Variants in CCDC178 observed in about 807,000 individuals in gnomAD.
CCDC178 encodes the protein coiled-coil domain-containing protein 178.
In CCDC178, 126 loss-of-function variants were observed where a neutral mutation model predicts 117.4. The ratio of observed to expected loss-of-function variants is 1.07; its 90% CI spans 0.93 to 1.24. CCDC178 has a LOEUF of 1.24. Among genes scored for constraint, CCDC178 ranks in the 50% most tolerant of loss-of-function variants. The pLI is 0.00. For missense variants in CCDC178, 1,030 were observed against 986.9 expected (o/e 1.04, Z -0.59); for synonymous variants, 283 against 313.4 (o/e 0.90, Z 1.02).
intron 21 of CCDC178, among the ~76,000 whole-genome samples, chr18:33,092,169 T>C (rs2145072263): frequency 6.6e-6 from 1 of 152,270 alleles, no homozygotes; most frequent in Middle Eastern, 3.4e-3. Context: ...ATCTGGAGAA[T>C]ATAAAGGAAG....
intron 21 of CCDC178, among the ~76,000 whole-genome samples, chr18:33,012,822 A>G (rs2055898579): frequency 6.6e-6 from 1 of 152,166 alleles, no homozygotes; most frequent in Admixed American, 6.5e-5. Flanking sequence ...CCTTTAGCAA[A>G]TAGGAATAAA....
At chr18:33,394,915 A>T (rs1006322215) in intron 4 of CCDC178, among the ~76,000 whole-genome samples, 3 of 139,938 alleles carry the variant, frequency 2.1e-5, no homozygotes, top group Non-Finnish European at 3.1e-5. Context: ...TCCACTGAAA[A>T]TAACTTTAAA....
intron 3 of CCDC178, among the ~76,000 whole-genome samples, chr18:33,403,478 T>G (rs2063737197): frequency 6.7e-6 from 1 of 148,920 alleles, no homozygotes; most frequent in Non-Finnish European, 1.5e-5. Flanking sequence ...TCAACAAAAA[T>G]GTATGACATC....
intron 21 of CCDC178, among the ~76,000 whole-genome samples, chr18:33,047,440 G>T (rs1217396639): frequency 6.6e-6 from 1 of 152,118 alleles, no homozygotes; most frequent in East Asian, 1.9e-4. Flanking sequence ...TGTCAACTAT[G>T]AAACAATCAG....
At chr18:33,157,742 T>C (rs2058418072) in intron 20 of CCDC178, among the ~76,000 whole-genome samples, 1 of 152,174 alleles carries the variant, frequency 6.6e-6, no homozygotes, top group Non-Finnish European at 1.5e-5. Flanking sequence ...TATGGCTTTT[T>C]AGGCATTTCA....
At chr18:33,016,450 A>C (rs115679263) in intron 21 of CCDC178, among the ~76,000 whole-genome samples, 216 of 152,214 alleles carry the variant, frequency 1.4e-3, no homozygotes, top group African/African-American at 4.9e-3. Flanking sequence ...AAAAAGCATC[A>C]GCAAAGGTAT....
chr18:33,421,808 TAG>T (rs2064030889), intron 2 of CCDC178, among the ~76,000 whole-genome samples: 1 of 152,088 alleles, frequency 6.6e-6, no homozygotes, highest in Non-Finnish European at 1.5e-5. Flanking sequence ...TGAGAATGAA[TAG>T]AGTCATAAAA....
chr18:33,440,074 A>C lies in CCDC178; in HGVS notation c.-135T>G, dbSNP rs975217731. ...AGTTGTTCAGTATTTGACTTGATTG[A>C]GCAGACACTTAAAAAATTAAATATC... On this transcript the variant is annotated 5_prime_UTR_variant, in exon 2 of 23. Coordinates refer to ENST00000383096, the MANE Select transcript of CCDC178 (RefSeq NM_001105528.4). The C allele has an allele frequency of 3.3e-5, 5 of 152,340 alleles. No homozygotes were observed. The highest frequency in any genetic ancestry group is 1.2e-4 in the African/African-American group (5 of 41,576). The allele number at this position is 152,340 out of a possible 1,614,324, so 9.4% of individuals were successfully genotyped here. A position where few individuals can be genotyped will look rare whatever the true frequency, so the allele number is the denominator to read the frequency against.
At chr18:32,990,539 GA>G (rs1179380031) in intron 21 of CCDC178, among the ~76,000 whole-genome samples, 1 of 151,914 alleles carries the variant, frequency 6.6e-6, no homozygotes, top group Non-Finnish European at 1.5e-5. Context: ...TTCTGAATGT[GA>G]AAAAAATTCA....
At chr18:33,179,443 T>G (rs533896656) in intron 20 of CCDC178, among the ~76,000 whole-genome samples, 24 of 152,032 alleles carry the variant, frequency 1.6e-4, no homozygotes, top group Non-Finnish European at 2.9e-5. Context: ...CTTGTTGCAT[T>G]ATCTGTTTGA....
intron 19 of CCDC178, 111 bp downstream of exon 19, chr18:33,215,439 T>C: frequency 1.4e-6 from 1 of 707,798 alleles, no homozygotes; most frequent in Non-Finnish European, 2.1e-6. Flanking sequence ...CACACTACGT[T>C]ATAATTAAAA....
At chr18:33,065,663 C>T (rs919233285) in intron 21 of CCDC178, among the ~76,000 whole-genome samples, 1 of 151,986 alleles carries the variant, frequency 6.6e-6, no homozygotes, top group African/African-American at 2.4e-5. Flanking sequence ...GAGACAAAGA[C>T]AAAGAGAGAA....
intron 14 of CCDC178, among the ~76,000 whole-genome samples, chr18:33,262,263 A>T (rs9951500): frequency 0.067 from 10,258 of 152,254 alleles, 514 homozygotes; most frequent in African/African-American, 0.14. Context: ...CATCTATCTC[A>T]ATGACTATCT....
intron 14 of CCDC178, among the ~76,000 whole-genome samples, chr18:33,258,489 A>G (rs1234198726): frequency 6.6e-6 from 1 of 152,068 alleles, no homozygotes; most frequent in Non-Finnish European, 1.5e-5. Flanking sequence ...AGAGTCCTCA[A>G]CCCTGCCCTG....
intron 21 of CCDC178, among the ~76,000 whole-genome samples, chr18:33,070,648 A>G (rs1435768635): frequency 6.6e-6 from 1 of 152,096 alleles, no homozygotes; most frequent in Non-Finnish European, 1.5e-5. Context: ...ATTTAAAAAT[A>G]GCTAGGAGAG....
At chr18:33,267,157 T>C (rs1238817508) in intron 13 of CCDC178, 45 bp downstream of exon 13, 1 of 1,540,424 alleles carries the variant, frequency 6.5e-7, no homozygotes. Context: ...TATTTGGAAA[T>C]AGAAAATGGC....
intron 21 of CCDC178, among the ~76,000 whole-genome samples, chr18:33,081,374 T>G (rs2057294784): frequency 6.6e-6 from 1 of 152,218 alleles, no homozygotes; most frequent in African/African-American, 2.4e-5. Context: ...GAATAGTTAT[T>G]AGAAACCATG....
chr18:33,406,888 T>C (rs577735147), intron 3 of CCDC178, among the ~76,000 whole-genome samples: 1 of 152,316 alleles, frequency 6.6e-6, no homozygotes, highest in African/African-American at 2.4e-5. Flanking sequence ...GGAGAGTTCT[T>C]ATCAACAGAA....
At chr18:32,970,574 T>C (rs1421668285) in intron 22 of CCDC178, among the ~76,000 whole-genome samples, 1 of 152,006 alleles carries the variant, frequency 6.6e-6, no homozygotes, top group Non-Finnish European at 1.5e-5. Context: ...CAATTTTTAG[T>C]CATGTTGGAT....
Sources: allele counts gnomAD v4.1 joint callset (sites outside exome capture counted in the v4.1 genomes callset), GRCh38; gene constraint gnomAD v4.1.1; transcripts MANE v1.5; gene names NCBI Gene and HGNC (gene_info 2026-07-23, HGNC 2026-07-21).